PPP2R2B: variants seen among roughly 807,000 people sequenced by gnomAD.
PPP2R2B encodes protein phosphatase 2 regulatory subunit Bbeta.
In PPP2R2B, 5 loss-of-function variants were observed where a neutral mutation model predicts 46.0. That is an observed-to-expected ratio of 0.11 (90% CI 0.06 to 0.23). PPP2R2B has a LOEUF of 0.23. Ranked by LOEUF, PPP2R2B falls within the 10% of genes least tolerant of loss-of-function variation. The pLI, the probability that PPP2R2B is intolerant of heterozygous loss-of-function variation, is 1.00. For synonymous variants in PPP2R2B, 215 were observed against 206.7 expected (o/e 1.04, Z -0.34); for missense variants, 367 against 575.0 (o/e 0.64, Z 3.70).
At chr5:146,872,568 T>C (rs140066137) in intron 2 of PPP2R2B, among the ~76,000 whole-genome samples, 80 of 152,314 alleles carry the variant, frequency 5.3e-4, no homozygotes, top group African/African-American at 1.8e-3. Context: ...TTCCCCTTTC[T>C]TGAGCTTATT....
At chr5:146,703,510 T>G (rs1423683446) in intron 2 of PPP2R2B, among the ~76,000 whole-genome samples, 2 of 152,176 alleles carry the variant, frequency 1.3e-5, no homozygotes, top group Non-Finnish European at 2.9e-5. Flanking sequence ...CAATGAGAAC[T>G]AAAGATGGGC....
chr5:146,906,003 A>G (rs141903203), intron 1 of PPP2R2B, among the ~76,000 whole-genome samples: 10 of 152,174 alleles, frequency 6.6e-5, no homozygotes, highest in Non-Finnish European at 1.2e-4. Flanking sequence ...AAAAGTTATA[A>G]TGGAAAGCTT....
chr5:146,674,967 T>G (rs1777610122), intron 5 of PPP2R2B, among the ~76,000 whole-genome samples: 2 of 152,084 alleles, frequency 1.3e-5, no homozygotes, highest in South Asian at 4.2e-4. Flanking sequence ...ATTATTATTA[T>G]TGTTATTATT....
At chr5:147,047,633 TC>T (rs931927800) in intron 1 of PPP2R2B, among the ~76,000 whole-genome samples, 1 of 151,996 alleles carries the variant, frequency 6.6e-6, no homozygotes, top group Admixed American at 6.6e-5. Context: ...ATGCAAAATT[TC>T]CCCCCCTTTT....
At chr5:146,890,287 G>A (rs764563886) in intron 1 of PPP2R2B, among the ~76,000 whole-genome samples, 4 of 152,188 alleles carry the variant, frequency 2.6e-5, no homozygotes, top group Non-Finnish European at 5.9e-5. Context: ...GGGAAGTGCT[G>A]CAGGAGGAGC....
At chr5:146,884,485 C>T (rs1762262730) in intron 1 of PPP2R2B, among the ~76,000 whole-genome samples, 1 of 152,140 alleles carries the variant, frequency 6.6e-6, no homozygotes, top group African/African-American at 2.4e-5. Flanking sequence ...GGAATCATTC[C>T]TTTTGACTAT....
chr5:146,759,632 C>T (rs1754037655), intron 2 of PPP2R2B, among the ~76,000 whole-genome samples: 2 of 152,158 alleles, frequency 1.3e-5, no homozygotes, highest in African/African-American at 4.8e-5. Flanking sequence ...AGGTGCATCC[C>T]TTCCTGTTGC....
At chr5:146,608,800 A>G (rs1199056477) in intron 7 of PPP2R2B, among the ~76,000 whole-genome samples, 2 of 152,134 alleles carry the variant, frequency 1.3e-5, no homozygotes, top group East Asian at 1.9e-4. Flanking sequence ...CAAACAAGAC[A>G]TGTAGCACAG....
chr5:146,754,657 G>A (rs1753739108), intron 2 of PPP2R2B, among the ~76,000 whole-genome samples: 1 of 152,090 alleles, frequency 6.6e-6, no homozygotes, highest in South Asian at 2.1e-4. Context: ...AGGTATTGTG[G>A]CTTCCTTCTT....
chr5:146,962,936 G>A (rs949776826), intron 1 of PPP2R2B, among the ~76,000 whole-genome samples: 1 of 152,198 alleles, frequency 6.6e-6, no homozygotes, highest in African/African-American at 2.4e-5. Flanking sequence ...CCAGTGGACT[G>A]AGCAACTGGC....
intron 5 of PPP2R2B, among the ~76,000 whole-genome samples, chr5:146,666,039 A>T (rs1466133027): frequency 1.3e-5 from 2 of 152,242 alleles, no homozygotes; most frequent in African/African-American, 4.8e-5. Flanking sequence ...ATGTCTGAGA[A>T]CACGTATTGT....
intron 2 of PPP2R2B, among the ~76,000 whole-genome samples, chr5:147,076,453 T>G (rs1757768891): frequency 1.3e-5 from 2 of 152,196 alleles, no homozygotes; most frequent in Admixed American, 1.3e-4. Flanking sequence ...CTTTTAACAG[T>G]GCTGATCTGT....
chr5:147,048,585 C>T (rs953183888), intron 1 of PPP2R2B, among the ~76,000 whole-genome samples: 2 of 152,030 alleles, frequency 1.3e-5, no homozygotes, highest in African/African-American at 2.4e-5. Flanking sequence ...ATATGATGCC[C>T]CATTCATTGA....
intron 1 of PPP2R2B, among the ~76,000 whole-genome samples, chr5:146,964,719 G>T (rs528990027): frequency 3.3e-5 from 5 of 151,972 alleles, no homozygotes; most frequent in Non-Finnish European, 5.9e-5. Context: ...TAGAGACAGG[G>T]TTTCACCGTG....
intron 2 of PPP2R2B, among the ~76,000 whole-genome samples, chr5:146,842,605 G>T (rs1759730897): frequency 6.6e-6 from 1 of 151,264 alleles, no homozygotes; most frequent in African/African-American, 2.4e-5. Flanking sequence ...TATTAAGCTT[G>T]GTATCCATTC....
At chr5:146,643,435 C>G (rs1008464684) in intron 6 of PPP2R2B, among the ~76,000 whole-genome samples, 1 of 152,058 alleles carries the variant, frequency 6.6e-6, no homozygotes, top group South Asian at 2.1e-4. Flanking sequence ...AACTACTAAG[C>G]AGTAAAAGCA....
At chr5:146,817,203 C>G (rs887879906) in intron 2 of PPP2R2B, among the ~76,000 whole-genome samples, 9 of 152,140 alleles carry the variant, frequency 5.9e-5, no homozygotes, top group African/African-American at 1.4e-4. Flanking sequence ...CCAGCTGTGA[C>G]TCATCCTAAA....
At chr5:147,040,814 A>AAAG in intron 1 of PPP2R2B, 1 of 438,522 alleles carries the variant, frequency 2.3e-6, no homozygotes, top group Admixed American at 2.6e-5. Context: ...TCCTTAAAAA[A>AAAG]AAAAAAAAAA....
At chr5:146,916,811 A>G (rs1045674994) in intron 1 of PPP2R2B, among the ~76,000 whole-genome samples, 1 of 152,202 alleles carries the variant, frequency 6.6e-6, no homozygotes, top group Admixed American at 6.5e-5. Context: ...TGAATTAAAC[A>G]TTTATTTAGA....
Sources: gnomAD v4.1 joint callset for allele counts (sites outside exome capture counted in the v4.1 genomes callset) on GRCh38, gnomAD v4.1.1 for gene constraint, MANE v1.5 for transcripts, NCBI Gene and HGNC (gene_info 2026-07-23, HGNC 2026-07-21) for gene names.